TTC7B: variants seen among roughly 807,000 people sequenced by gnomAD.
TTC7B encodes tetratricopeptide repeat protein 7B.
In TTC7B, 28 loss-of-function variants were observed where a neutral mutation model predicts 106.8. The observed-to-expected ratio is 0.26, with a 90% CI of 0.19 to 0.36. The LOEUF is 0.36. TTC7B is among the 10% of genes least tolerant of loss of function. The pLI is 1.00. For synonymous variants in TTC7B, 405 were observed against 430.6 expected, an observed-to-expected ratio of 0.94 and a Z score of 0.74; for missense variants, 862 against 1,076.4, an observed-to-expected ratio of 0.80 and a Z score of 2.79.
chr14:90,614,518 A>G (rs1892991706), intron 16 of TTC7B, among the ~76,000 whole-genome samples: 1 of 152,216 alleles, frequency 6.6e-6, no homozygotes. Flanking sequence ...CAGTGACAAG[A>G]GGGGGAAAGA....
At chr14:90,689,126 C>T (rs1327224727) in intron 7 of TTC7B, among the ~76,000 whole-genome samples, 1 of 152,126 alleles carries the variant, frequency 6.6e-6, no homozygotes, top group Non-Finnish European at 1.5e-5. Flanking sequence ...CCATTTAGAA[C>T]AAGATTTTAA....
rs982117437 is a variant in TTC7B at position 90,530,920 on chromosome 14, C to G, written c.*10448G>C. ...TCACAAATCACCACTAAAGAACTTA[C>G]TCATGTAACCACTGTGTTCCCCAAT... On this transcript the variant is annotated 3_prime_UTR_variant, in exon 20 of 20. Coordinates refer to ENST00000328459, the MANE Select transcript of TTC7B (RefSeq NM_001010854.2). 2 of 152,138 alleles carry G rather than the reference C, an allele frequency of 1.3e-5. No individual in the cohort carries two copies. Among genetic ancestry groups the G allele is most frequent in the African/African-American group, 4.8e-5 (2 of 41,414 alleles). 9.4% of individuals were successfully genotyped at this position (152,138 alleles called of 1,614,324 possible).
At chr14:90,694,211 C>T (rs998600474) in intron 6 of TTC7B, among the ~76,000 whole-genome samples, 7 of 152,126 alleles carry the variant, frequency 4.6e-5, no homozygotes, top group Admixed American at 1.3e-4. Flanking sequence ...GCACTCCAAC[C>T]TGGGCAACAG....
intron 5 of TTC7B, among the ~76,000 whole-genome samples, chr14:90,715,557 A>G (rs1483485854): frequency 1.3e-5 from 2 of 152,216 alleles, no homozygotes; most frequent in Non-Finnish European, 2.9e-5. Flanking sequence ...AATCAGCCTA[A>G]TAATCCTATG....
chr14:90,790,487 G>T (rs930887333), intron 1 of TTC7B, among the ~76,000 whole-genome samples: 1 of 152,048 alleles, frequency 6.6e-6, no homozygotes, highest in Non-Finnish European at 1.5e-5. Flanking sequence ...TTGTCACTCG[G>T]TGACTTTGGC....
intron 2 of TTC7B, among the ~76,000 whole-genome samples, chr14:90,785,732 G>C (rs1350716349): frequency 6.6e-6 from 1 of 152,098 alleles, no homozygotes; most frequent in Non-Finnish European, 1.5e-5. Context: ...CAACTGTGAC[G>C]CCAGGCCTGC....
In TTC7B at chr14:90,695,562, C is replaced by A. The variant is rs1446398073; in HGVS notation, c.715G>T (p.Val239Phe). The change falls in exon 6 of 20, where the codon GTC becomes TTC. Residue 239 changes from valine (V) to phenylalanine (F), a missense_variant. Physicochemically the swap from Val to Phe is conservative, Grantham distance 50. Transcript: ENST00000328459. ...CTGAGAAGCTCTCTAAATCTTCCGA[C>A]TCCTCTTGTCAAGTTCCTGTGTGGA... ...YFKNGNLTRG[V>F]GRFRELLRAV... 15 of 1,597,536 alleles carry A rather than the reference C, an allele frequency of 9.4e-6. No homozygotes were observed. Among genetic ancestry groups the A allele is most frequent in the Non-Finnish European group, 1.2e-5 (14 of 1,172,998 alleles).
At chr14:90,654,680 CA>C (rs1885871163) in intron 12 of TTC7B, among the ~76,000 whole-genome samples, 1 of 152,214 alleles carries the variant, frequency 6.6e-6, no homozygotes, top group South Asian at 2.1e-4. Flanking sequence ...AGTGGTGGGA[CA>C]GGGGCAGGTG....
rs1031045263 is a variant in TTC7B at position 90,577,515 on chromosome 14, C to T, written c.2310+591G>A. ...AGGCTGTAGACGAAGGATGTGCACT[C>T]GTTGAGCGCCGCCACACCCCTGTGC... On this transcript the variant is annotated intron_variant, in intron 19 of 19. Coordinates refer to ENST00000328459, the MANE Select transcript of TTC7B (RefSeq NM_001010854.2). The surrounding 1 kb of genome is among the most constrained non-coding windows in gnomAD (Gnocchi z 5.0). Among the ~76,000 whole-genome samples, 3 of 152,148 alleles carry T rather than the reference C, an allele frequency of 2.0e-5. No individual in the cohort carries two copies. The highest frequency in any genetic ancestry group is 4.4e-5 in the Non-Finnish European group (3 of 68,022).
chr14:90,602,040 A>G (rs1205649058), intron 17 of TTC7B: 1 of 444,832 alleles, frequency 2.2e-6, no homozygotes, highest in Admixed American at 2.4e-5. Context: ...TAGGCCAGAA[A>G]TAAAGGCACA....
chr14:90,541,185 A>ATC lies in TTC7B; in HGVS notation c.*182_*183insGA. On this transcript the variant is annotated 3_prime_UTR_variant, in exon 20 of 20. Transcript: ENST00000328459. ...CTACCATTGGGCTGGCAAAAAAAAC[A>ATC]AGAGAAACGCACATGGCGAGAGCGA... 2.0e-6 allele frequency: 1 copy of ATC among 496,680 alleles called. No individual in the cohort carries two copies. The highest frequency in any genetic ancestry group is 3.6e-5 in the Admixed American group (1 of 27,700). The allele number at this position is 496,680 out of a possible 1,614,324, so 30.8% of individuals were successfully genotyped here. A position where few individuals can be genotyped will look rare whatever the true frequency, so the allele number is the denominator to read the frequency against.
chr14:90,589,873 A>C (rs1027434719), intron 18 of TTC7B, among the ~76,000 whole-genome samples: 2 of 152,258 alleles, frequency 1.3e-5, no homozygotes, highest in African/African-American at 4.8e-5. Context: ...TAAGATTAAA[A>C]TCTAAATGTT....
chr14:90,803,819 C>T (rs971605053), intron 1 of TTC7B, among the ~76,000 whole-genome samples: 3 of 152,010 alleles, frequency 2.0e-5, no homozygotes, highest in African/African-American at 7.3e-5. Context: ...GTCACACACA[C>T]ACACACACAC....
intron 5 of TTC7B, among the ~76,000 whole-genome samples, chr14:90,695,841 C>CAA (rs1887724119): frequency 1.3e-5 from 2 of 149,824 alleles, no homozygotes; most frequent in African/African-American, 5.1e-5. Flanking sequence ...AATTAAAAAG[C>CAA]AAGATACCTT....
chr14:90,680,392 T>C (rs1287457045), intron 8 of TTC7B, 80 bp downstream of exon 8: 4 of 1,065,180 alleles, frequency 3.8e-6, no homozygotes. Context: ...AAAAGAGTCA[T>C]GATACTGGCA....
intron 3 of TTC7B, among the ~76,000 whole-genome samples, chr14:90,751,147 G>A (rs994484126): frequency 6.6e-6 from 1 of 152,144 alleles, no homozygotes; most frequent in Non-Finnish European, 1.5e-5. Context: ...TGACAGCAAT[G>A]CCTAGTAAAC....
In TTC7B at chr14:90,540,100, A is replaced by C. The variant is rs1204967716; in HGVS notation, c.*1268T>G. 6.6e-6 allele frequency: 1 copy of C among 152,268 alleles called. No homozygotes were observed. The highest frequency in any genetic ancestry group is 6.5e-5 in the Admixed American group (1 of 15,282). The allele number at this position is 152,268 out of a possible 1,614,324, so 9.4% of individuals were successfully genotyped here. The stretch of plus-strand genomic sequence containing the variant: ...AAGGAGGCCTGGGTGCTGAGGACGC[A>C]GGAAACACGTCCCTACCTAGGGATC... On this transcript the variant is annotated 3_prime_UTR_variant, in exon 20 of 20. Transcript: ENST00000328459.
At chr14:90,699,823 C>G (rs1232508427) in intron 5 of TTC7B, among the ~76,000 whole-genome samples, 1 of 152,198 alleles carries the variant, frequency 6.6e-6, no homozygotes, top group Non-Finnish European at 1.5e-5. Flanking sequence ...TGAGGACACA[C>G]TGTTGAGCAG....
intron 5 of TTC7B, among the ~76,000 whole-genome samples, chr14:90,702,200 T>C (rs1051588675): frequency 6.6e-6 from 1 of 152,198 alleles, no homozygotes; most frequent in African/African-American, 2.4e-5. Flanking sequence ...AGTTTCCTTA[T>C]AAAATGGAAA....
Sources: gnomAD v4.1 joint callset for allele counts (sites outside exome capture counted in the v4.1 genomes callset) on GRCh38, gnomAD v4.1.1 for gene constraint, Gnocchi (gnomAD v3.1) non-coding constraint, MANE v1.5 for transcripts, NCBI Gene and HGNC (gene_info 2026-07-23, HGNC 2026-07-21) for gene names.